The following KCNH1 variants were observed in gnomAD, a reference collection of about 807,000 sequenced individuals.
The protein encoded by KCNH1 is voltage-gated delayed rectifier potassium channel KCNH1.
A neutral mutation model predicts 69.2 loss-of-function variants in KCNH1; 27 were observed. The ratio of observed to expected loss-of-function variants is 0.39; its 90% CI spans 0.29 to 0.54. The LOEUF is 0.54. Among genes scored for constraint, KCNH1 ranks in the 20% least tolerant of loss-of-function variants. The pLI, the probability that KCNH1 is intolerant of heterozygous loss-of-function variation, is 0.68. For synonymous variants in KCNH1, 456 were observed against 487.7 expected, an observed-to-expected ratio of 0.93 and a Z score of 0.86; for missense variants, 798 against 1,261.6, an observed-to-expected ratio of 0.63 and a Z score of 5.57.
chr1:210,804,982 A>G (rs1335107666), intron 7 of KCNH1, among the ~76,000 whole-genome samples: 3 of 152,114 alleles, frequency 2.0e-5, no homozygotes, highest in African/African-American at 4.8e-5. Context: ...ACAAAACCCA[A>G]CCTTCTACCT....
At position 210,979,671 on chromosome 1, in the gene KCNH1, T is replaced by C. The variant is rs368528745; in HGVS notation, c.1032+39112A>G. The stretch of plus-strand genomic sequence containing the variant: ...TTATAATTTTTCCTCAGGAGCTTTT[T>C]ATTTCAAGCATTAGAGTGTTTTCTG... On this transcript the variant is annotated intron_variant, in intron 6 of 10. Coordinates refer to ENST00000271751, the MANE Select transcript of KCNH1 (RefSeq NM_172362.3). Among the ~76,000 whole-genome samples the C allele has an allele frequency of 1.2e-4, 19 of 152,340 alleles. No homozygotes were observed. The East Asian group carries it at 3.1e-3, about 25-fold the overall frequency.
chr1:210,861,756 C>A, intron 7 of KCNH1: 1 of 774,116 alleles, frequency 1.3e-6, no homozygotes, highest in Non-Finnish European at 2.4e-6. Flanking sequence ...TTAGAACTGA[C>A]AGAAAATGCT....
At chr1:210,821,743 T>C (rs1282302566) in intron 7 of KCNH1, among the ~76,000 whole-genome samples, 1 of 152,136 alleles carries the variant, frequency 6.6e-6, no homozygotes, top group African/African-American at 2.4e-5. Context: ...TGTACGACTA[T>C]TTAATTTGAA....
chr1:210,691,074 A>G (rs193045105), intron 10 of KCNH1, among the ~76,000 whole-genome samples: 158 of 152,394 alleles, frequency 1.0e-3, no homozygotes, highest in African/African-American at 3.7e-3. Context: ...ATGAGGATTA[A>G]GTTGGATAAT....
rs554242206 is a variant in KCNH1, at chr1:210,682,744, T to A, written c.*537A>T. 3 of 155,110 alleles carry A rather than the reference T, an allele frequency of 1.9e-5. No homozygotes were observed. The highest frequency in any genetic ancestry group is 7.2e-5 in the African/African-American group (3 of 41,596). The allele number at this position is 155,110 out of a possible 1,614,324, so 9.6% of individuals were successfully genotyped here. On this transcript the variant is annotated 3_prime_UTR_variant, in exon 11 of 11. Coordinates refer to ENST00000271751, the MANE Select transcript of KCNH1 (RefSeq NM_172362.3). ...AGAAAGTTTCTGAGCTCTACCCTCC[T>A]GTCCCTCAAGCTCTGCTTGTCCCGA...
chr1:211,009,732 C>T (rs1267595400), intron 6 of KCNH1, among the ~76,000 whole-genome samples: 1 of 151,982 alleles, frequency 6.6e-6, no homozygotes, highest in Non-Finnish European at 1.5e-5. Context: ...CCTCAGCCTA[C>T]TGAGTGGCTG....
intron 6 of KCNH1, among the ~76,000 whole-genome samples, chr1:211,004,136 A>G (rs1571570866): frequency 6.6e-6 from 1 of 152,142 alleles, no homozygotes; most frequent in East Asian, 1.9e-4. Context: ...TCATGAATCC[A>G]ATCACACCAG....
At chr1:211,082,723 TC>T in intron 5 of KCNH1, 56 bp downstream of exon 5, 1 of 1,372,928 alleles carries the variant, frequency 7.3e-7, no homozygotes, top group South Asian at 1.3e-5. Flanking sequence ...TGCCATTGCC[TC>T]AGCCCATGCA....
chr1:210,760,959 A>G (rs1036752731), intron 10 of KCNH1, among the ~76,000 whole-genome samples: 16 of 152,170 alleles, frequency 1.1e-4, no homozygotes, highest in African/African-American at 3.9e-4. Context: ...CTACCACAAA[A>G]GTACATGTAA....
intron 6 of KCNH1, among the ~76,000 whole-genome samples, chr1:211,009,552 G>A (rs748623554): frequency 2.6e-5 from 4 of 152,070 alleles, no homozygotes; most frequent in Non-Finnish European, 5.9e-5. Flanking sequence ...TGGGGTGGGT[G>A]CAGGCCACAA....
chr1:211,096,913 T>C (rs1691166978), intron 3 of KCNH1, among the ~76,000 whole-genome samples: 1 of 152,220 alleles, frequency 6.6e-6, no homozygotes, highest in Non-Finnish European at 1.5e-5. Flanking sequence ...ATAAAAATAA[T>C]ATCATTCATT....
chr1:211,061,624 C>A (rs983089392), intron 5 of KCNH1, among the ~76,000 whole-genome samples: 1 of 151,968 alleles, frequency 6.6e-6, no homozygotes, highest in Non-Finnish European at 1.5e-5. Flanking sequence ...AGTAAAGTTG[C>A]AGGATAGAAA....
intron 7 of KCNH1, among the ~76,000 whole-genome samples, chr1:210,850,056 G>A (rs1685650373): frequency 6.6e-6 from 1 of 152,128 alleles, no homozygotes; most frequent in Non-Finnish European, 1.5e-5. Flanking sequence ...AAATTATCAT[G>A]AGCAAAACTA....
Position 211,134,075 on chromosome 1 carries a change from G to A in KCNH1, c.-130C>T. On this transcript the variant is annotated 5_prime_UTR_variant, in exon 1 of 11. Transcript: ENST00000271751. This position sits in a 1 kb window ranked among gnomAD's most constrained non-coding sequence, Gnocchi z 5.7. ...GCGCCCGGCGGGGATCCGCAGGCAGGGCTGGCGGCTCCCTCTGGCTGCTAC... is the reference window on the plus strand; with the variant it reads ...GCGCCCGGCGGGGATCCGCAGGCAGAGCTGGCGGCTCCCTCTGGCTGCTAC... 5.5e-6 allele frequency: 4 copies of A among 728,168 alleles called. No homozygotes were observed. The highest frequency in any genetic ancestry group is 2.7e-5 in the Admixed American group (1 of 37,600). The allele number at this position is 728,168 out of a possible 1,614,324, so 45.1% of individuals were successfully genotyped here.
At chr1:210,912,957 G>A (rs1687262728) in intron 7 of KCNH1, among the ~76,000 whole-genome samples, 1 of 152,214 alleles carries the variant, frequency 6.6e-6, no homozygotes, top group African/African-American at 2.4e-5. Flanking sequence ...AATGTTCACA[G>A]AGCAGTATAA....
chr1:210,870,121 G>A (rs1686207760), intron 7 of KCNH1, among the ~76,000 whole-genome samples: 1 of 152,044 alleles, frequency 6.6e-6, no homozygotes, highest in African/African-American at 2.4e-5. Context: ...TTTCTCTGAG[G>A]AGTCACAGAA....
At chr1:211,038,529 G>A (rs540622152) in intron 5 of KCNH1, among the ~76,000 whole-genome samples, 2 of 152,304 alleles carry the variant, frequency 1.3e-5, no homozygotes, top group East Asian at 1.9e-4. Context: ...AAGAAGACAG[G>A]AAAATGTGGG....
intron 9 of KCNH1, among the ~76,000 whole-genome samples, chr1:210,786,513 C>T (rs1449463620): frequency 6.6e-6 from 1 of 152,088 alleles, no homozygotes; most frequent in East Asian, 1.9e-4. Flanking sequence ...ATCTCGGGCT[C>T]CTATAAATTG....
chr1:211,062,231 A>G (rs781391301), intron 5 of KCNH1, among the ~76,000 whole-genome samples: 3 of 152,196 alleles, frequency 2.0e-5, no homozygotes, highest in Non-Finnish European at 4.4e-5. Context: ...CAGTCTCTTC[A>G]ACAAATGGTG....
Sources: allele counts gnomAD v4.1 joint callset (sites outside exome capture counted in the v4.1 genomes callset), GRCh38; gene constraint gnomAD v4.1.1; non-coding constraint Gnocchi (gnomAD v3.1); transcripts MANE v1.5; gene names NCBI Gene and HGNC (gene_info 2026-07-23, HGNC 2026-07-21).